Variants in RPS6KC1 observed in about 807,000 individuals in gnomAD.
RPS6KC1 encodes the protein inactive ribosomal protein S6 kinase delta-1.
Under a neutral mutation model 103.8 loss-of-function variants are expected in RPS6KC1, and 54 were observed. The observed-to-expected ratio is 0.52, with a 90% CI of 0.42 to 0.65. RPS6KC1 has a LOEUF of 0.65. RPS6KC1 is among the 30% of genes least tolerant of loss of function. The pLI, the probability that RPS6KC1 is intolerant of heterozygous loss-of-function variation, is 0.00. For synonymous variants in RPS6KC1, 439 were observed against 438.7 expected, an observed-to-expected ratio of 1.00 and a Z score of -0.01; for missense variants, 1,151 against 1,253.8, an observed-to-expected ratio of 0.92 and a Z score of 1.24.
At chr1:213,532,023 T>C in the RPS6KC1 span, among the ~76,000 whole-genome samples, 64 of 152,350 alleles carry the variant, frequency 4.2e-4, no homozygotes, top group African/African-American at 1.3e-3. Flanking sequence ...TTCTTGGCAC[T>C]GGAGAGTCAA....
At chr1:213,128,918 A>G (rs1229036783) in intron 5 of RPS6KC1, among the ~76,000 whole-genome samples, 2 of 152,306 alleles carry the variant, frequency 1.3e-5, no homozygotes, top group South Asian at 4.1e-4. Flanking sequence ...ATTATGCTTT[A>G]TATGCATTAA....
chr1:213,635,186 C>T, the RPS6KC1 span, among the ~76,000 whole-genome samples: 4 of 152,136 alleles, frequency 2.6e-5, no homozygotes, highest in Non-Finnish European at 5.9e-5. Context: ...CGAATTCTAC[C>T]AGAGGTACAA....
At chr1:213,248,938 C>T (rs1161038838) in intron 12 of RPS6KC1, among the ~76,000 whole-genome samples, 1 of 152,166 alleles carries the variant, frequency 6.6e-6, no homozygotes, top group African/African-American at 2.4e-5. Context: ...TGTCTCTGTA[C>T]ATTTCATAAT....
intron 6 of RPS6KC1, among the ~76,000 whole-genome samples, chr1:213,153,289 A>G (rs2089469891): frequency 1.3e-5 from 2 of 150,480 alleles, no homozygotes; most frequent in Admixed American, 6.6e-5. Context: ...AGGCAGGCGC[A>G]GAGGCAGGCA....
At chr1:213,062,589 G>T (rs990303413) in intron 1 of RPS6KC1, among the ~76,000 whole-genome samples, 1 of 150,778 alleles carries the variant, frequency 6.6e-6, no homozygotes, top group East Asian at 1.9e-4. Flanking sequence ...GCGGAGTCTC[G>T]CTCTGTCACC....
chr1:213,054,467 A>C (rs1419987967), intron 1 of RPS6KC1, among the ~76,000 whole-genome samples: 2 of 152,210 alleles, frequency 1.3e-5, no homozygotes, highest in Non-Finnish European at 2.9e-5. Flanking sequence ...ACCTTTTTTC[A>C]GGATAATTAA....
At chr1:213,500,169 A>G in the RPS6KC1 span, among the ~76,000 whole-genome samples, 1 of 152,258 alleles carries the variant, frequency 6.6e-6, no homozygotes, top group Non-Finnish European at 1.5e-5. Flanking sequence ...TATATGCTAT[A>G]CAATTTTTTA....
At chr1:213,337,630 G>A in the RPS6KC1 span, among the ~76,000 whole-genome samples, 1 of 152,308 alleles carries the variant, frequency 6.6e-6, no homozygotes, top group African/African-American at 2.4e-5. Context: ...CATGGTCACT[G>A]TGGTTATTGA....
intron 1 of RPS6KC1, among the ~76,000 whole-genome samples, chr1:213,058,175 G>C (rs1234705173): frequency 6.7e-6 from 1 of 149,896 alleles, no homozygotes; most frequent in Non-Finnish European, 1.5e-5. Context: ...GACCTCCTAG[G>C]CTGAAGTGAT....
chr1:213,669,847 T>G, the RPS6KC1 span, among the ~76,000 whole-genome samples: 2 of 152,192 alleles, frequency 1.3e-5, no homozygotes, highest in Non-Finnish European at 2.9e-5. Flanking sequence ...AACTCCCAAG[T>G]GCAGTACTGT....
chr1:213,428,116 A>C, the RPS6KC1 span, among the ~76,000 whole-genome samples: 2 of 152,186 alleles, frequency 1.3e-5, no homozygotes, highest in Admixed American at 6.5e-5. Context: ...GAGGAACTAC[A>C]GAAGACCAGG....
chr1:213,279,656 A>AC (rs1324269350), downstream of RPS6KC1, among the ~76,000 whole-genome samples: 1 of 152,192 alleles, frequency 6.6e-6, no homozygotes, highest in Admixed American at 6.5e-5. Context: ...CTCTCTTTGT[A>AC]CCAGACCTCT....
At chr1:213,772,920 A>G in the RPS6KC1 span, among the ~76,000 whole-genome samples, 124 of 152,288 alleles carry the variant, frequency 8.1e-4, 2 homozygotes, top group East Asian at 0.022. Context: ...CAAATGCAGA[A>G]AGGGGGGTAA....
chr1:213,589,938 G>GGTGTGTGTGTGT, the RPS6KC1 span, among the ~76,000 whole-genome samples: 26 of 132,820 alleles, frequency 2.0e-4, no homozygotes, highest in East Asian at 4.2e-3. Context: ...AAAAGGTAGT[G>GGTGTGTGTGTGT]GTGTGTGTGT....
chr1:213,233,397 CT>C (rs1340360099), intron 10 of RPS6KC1, among the ~76,000 whole-genome samples: 1 of 152,170 alleles, frequency 6.6e-6, no homozygotes. Flanking sequence ...GTCATGTCAT[CT>C]GATAGCGAAA....
At chr1:213,521,758 C>G in the RPS6KC1 span, among the ~76,000 whole-genome samples, 198 of 152,306 alleles carry the variant, frequency 1.3e-3, 1 homozygote, top group African/African-American at 4.6e-3. Flanking sequence ...CCATAAGAAG[C>G]AACTCCTCAT....
At chr1:213,745,431 A>C in the RPS6KC1 span, among the ~76,000 whole-genome samples, 10 of 152,148 alleles carry the variant, frequency 6.6e-5, no homozygotes, top group African/African-American at 1.9e-4. Flanking sequence ...AAAAAAAAAA[A>C]AAAAAACACT....
At position 213,206,223 on chromosome 1, in the gene RPS6KC1, GTTTCCTTTTACCTCCTA is replaced by G; in HGVS notation, c.1045-24273_1045-24257del. Among the ~76,000 whole-genome samples the G allele has an allele frequency of 3.3e-5, 5 of 152,242 alleles. No individual in the cohort carries two copies. The South Asian group carries it at 1.0e-3, about 32-fold the overall frequency. On this transcript the variant is annotated intron_variant, in intron 8 of 14. Transcript: ENST00000366960. ...AAGTAATTTTGAAATAAAAGGACTAGTTTCCTTTTACCTCCTAGGGCTTGGGTTTTATAATCTTAGGA... is the reference window on the plus strand; with the variant it reads ...AAGTAATTTTGAAATAAAAGGACTAGGGGCTTGGGTTTTATAATCTTAGGA...
chr1:213,426,369 A>G, the RPS6KC1 span, among the ~76,000 whole-genome samples: 1 of 152,078 alleles, frequency 6.6e-6, no homozygotes, highest in Admixed American at 6.6e-5. Flanking sequence ...GGGCCACCTC[A>G]TGCCCTCGGG....
Sources: allele counts gnomAD v4.1 joint callset (sites outside exome capture counted in the v4.1 genomes callset), GRCh38; gene constraint gnomAD v4.1.1; transcripts MANE v1.5; gene names NCBI Gene and HGNC (gene_info 2026-07-23, HGNC 2026-07-21).